Variants in NOS1 observed in about 807,000 individuals in gnomAD.
The protein encoded by NOS1 is nitric oxide synthase 1.
NOS1 carries 51 observed loss-of-function variants against 164.5 expected under a neutral mutation model. The ratio of observed to expected loss-of-function variants is 0.31; its 90% confidence interval spans 0.25 to 0.39. The LOEUF (loss-of-function observed/expected upper bound fraction) is 0.39. Ranked by LOEUF, NOS1 falls within the 10% of genes least tolerant of loss-of-function variation. NOS1 has a pLI of 1.00. For synonymous variants in NOS1, 719 were observed against 745.8 expected, an observed-to-expected ratio of 0.96 and a Z score of 0.59; for missense variants, 1,362 against 1,885.6, an observed-to-expected ratio of 0.72 and a Z score of 5.14.
rs1273933838 is a variant in NOS1, at chr12:117,330,205, G to A, written c.725+140C>T. 7 of 1,328,844 alleles carry A rather than the reference G, an allele frequency of 5.3e-6. No homozygotes were observed. In the Admixed American group the frequency reaches 2.1e-4, roughly 40 times the overall value. 82.3% of individuals were successfully genotyped at this position (1,328,844 alleles called of 1,614,324 possible). The stretch of plus-strand genomic sequence containing the variant: ...AAGTGAAGATCAAGGGGGCCGTCAA[G>A]TGGTTATGCAAAAACAGGTATCTGA... On this transcript the variant is annotated intron_variant, in intron 2 of 28. Transcript: ENST00000317775. The surrounding 1 kb of genome is among the most constrained non-coding windows in gnomAD (Gnocchi z 4.6).
In NOS1 at chr12:117,247,719, T is replaced by C. The variant is rs141428821; in HGVS notation, c.2649-197A>G. ...TTATAAGGGTAAAGCCCTGATCTGA[T>C]AGGATTAGTGTCCTTATAAGAAGAG... On this transcript the variant is annotated intron_variant, in intron 17 of 28. Transcript: ENST00000317775. Among the ~76,000 whole-genome samples the C allele has an allele frequency of 1.0e-3, 155 of 152,148 alleles. 5 individuals carry two copies. The South Asian group carries it at 0.012, about 12-fold the overall frequency.
At chr12:117,286,387 G>C in intron 5 of NOS1, 121 bp from the exon 6 acceptor site, 1 of 1,015,426 alleles carries the variant, frequency 9.8e-7, no homozygotes, top group Non-Finnish European at 1.4e-6. Flanking sequence ...ATTTCTGGAT[G>C]CAACAGTTTG....
At chr12:117,260,035 C>A (rs1239330335) in intron 14 of NOS1, among the ~76,000 whole-genome samples, 1 of 150,262 alleles carries the variant, frequency 6.7e-6, no homozygotes, top group Non-Finnish European at 1.5e-5. Flanking sequence ...AGAAGAATGG[C>A]GTGAACCCGG....
intron 18 of NOS1, among the ~76,000 whole-genome samples, chr12:117,244,855 C>T (rs1253819241): frequency 6.6e-6 from 1 of 152,136 alleles, no homozygotes; most frequent in Non-Finnish European, 1.5e-5. Flanking sequence ...ACAGGGAAAT[C>T]TACAGAGACA....
chr12:117,322,843 T>A (rs1188570090), intron 2 of NOS1, among the ~76,000 whole-genome samples: 1 of 140,944 alleles, frequency 7.1e-6, no homozygotes, highest in Non-Finnish European at 1.5e-5. Context: ...CCTTCCTTGC[T>A]TCCCTCCTTA....
intron 3 of NOS1, chr12:117,309,215 G>A (rs1182949477): frequency 5.7e-6 from 2 of 349,276 alleles, no homozygotes; most frequent in Non-Finnish European, 8.0e-6. Flanking sequence ...TGACTTTTGA[G>A]GACAACATAA....
intron 1 of NOS1, among the ~76,000 whole-genome samples, chr12:117,350,782 T>C (rs1484977689): frequency 6.6e-6 from 1 of 152,148 alleles, no homozygotes; most frequent in African/African-American, 2.4e-5. Flanking sequence ...TCTCCAAACT[T>C]ATCTGGGCTC....
At chr12:117,264,452 TTTTC>T (rs561213008) in intron 12 of NOS1, among the ~76,000 whole-genome samples, 4,975 of 106,428 alleles carry the variant, frequency 0.047, 255 homozygotes, top group African/African-American at 0.23. Flanking sequence ...TTCTTATTTA[TTTTC>T]TTTCTTTATT....
intron 1 of NOS1, among the ~76,000 whole-genome samples, chr12:117,339,136 G>T (rs193121685): frequency 6.6e-6 from 1 of 152,202 alleles, no homozygotes; most frequent in Admixed American, 6.5e-5. Context: ...CTCCCATGCC[G>T]GTAAGTCATG....
In NOS1 at chr12:117,243,224, C is replaced by A. The variant is rs930042715; in HGVS notation, c.2962+73G>T. The A allele has an allele frequency of 5.7e-6, 9 of 1,580,750 alleles. No homozygotes were observed. The African/African-American group carries it at 1.1e-4, about 19-fold the overall frequency. On this transcript the variant is annotated intron_variant, in intron 19 of 28. Coordinates refer to ENST00000317775, the MANE Select transcript of NOS1 (RefSeq NM_000620.5). The surrounding 1 kb of genome is among the most constrained non-coding windows in gnomAD (Gnocchi z 4.3). ...CAATGAAGCCCATCTTCTCTAAGCA[C>A]CTTCTGGAGGTGAGATCACCTGCCT...
chr12:117,225,655 T>C (rs571049573), intron 24 of NOS1, among the ~76,000 whole-genome samples: 16 of 151,918 alleles, frequency 1.1e-4, no homozygotes, highest in Non-Finnish European at 2.2e-4. Context: ...TGAGACGAAG[T>C]CTCACTCTGT....
chr12:117,323,934 A>G (rs1593022759), intron 2 of NOS1, among the ~76,000 whole-genome samples: 1 of 149,836 alleles, frequency 6.7e-6, no homozygotes, highest in East Asian at 1.9e-4. Context: ...GGCACGCACC[A>G]CCACGTCTGG....
chr12:117,347,201 T>A (rs1199950443), intron 1 of NOS1, among the ~76,000 whole-genome samples: 1 of 151,668 alleles, frequency 6.6e-6, no homozygotes, highest in East Asian at 1.9e-4. Flanking sequence ...GCAGAAGAAT[T>A]GCTTGAACCT....
At chr12:117,297,358 G>A (rs1366143111) in intron 3 of NOS1, among the ~76,000 whole-genome samples, 2 of 152,190 alleles carry the variant, frequency 1.3e-5, no homozygotes, top group African/African-American at 4.8e-5. Flanking sequence ...TCGGGGCAAA[G>A]GATAAAGTAA....
At chr12:117,261,347 A>G (rs975416790) in intron 13 of NOS1, among the ~76,000 whole-genome samples, 1 of 152,042 alleles carries the variant, frequency 6.6e-6, no homozygotes, top group African/African-American at 2.4e-5. Context: ...TCTCTCTTTC[A>G]TTCATCAAAT....
chr12:117,352,958 C>T (rs1433988171), intron 1 of NOS1, among the ~76,000 whole-genome samples: 1 of 152,166 alleles, frequency 6.6e-6, no homozygotes, highest in Non-Finnish European at 1.5e-5. Context: ...CTTAATTCAA[C>T]AGCTATTAGC....
rs754631971 is a variant in NOS1 at position 117,227,615 on chromosome 12, T to C, written c.3432A>G (p.Lys1144=). Residue 1144 remains lysine, a synonymous_variant, in exon 23 of 29, where the codon AAA becomes AAG. Transcript: ENST00000317775. ...SKGLQEYEEW[K]WGKNPTIVEV... is the part of the protein sequence containing the mutation. ...CCACGATGGTGGGGTTCTTGCCCCA[T>C]TTCCATTCCTCGTACTCCTGCAAAC... The C allele has an allele frequency of 1.4e-5, 22 of 1,613,922 alleles. No homozygotes were observed. The highest frequency in any genetic ancestry group is 1.9e-5 in the Non-Finnish European group (22 of 1,179,948).
At chr12:117,335,573 C>T (rs561789394) in intron 1 of NOS1, among the ~76,000 whole-genome samples, 71 of 152,180 alleles carry the variant, frequency 4.7e-4, no homozygotes, top group Non-Finnish European at 8.4e-4. Flanking sequence ...CCTCTCTGTG[C>T]GACCTTGGCC....
chr12:117,288,538 T>C (rs1309607968), intron 4 of NOS1, among the ~76,000 whole-genome samples: 1 of 152,218 alleles, frequency 6.6e-6, no homozygotes, highest in African/African-American at 2.4e-5. Flanking sequence ...GAGGAACTAA[T>C]AGAGTGGCTA....
Sources: allele counts gnomAD v4.1 joint callset (sites outside exome capture counted in the v4.1 genomes callset), GRCh38; gene constraint gnomAD v4.1.1; non-coding constraint Gnocchi (gnomAD v3.1); transcripts MANE v1.5; gene names NCBI Gene and HGNC (gene_info 2026-07-23, HGNC 2026-07-21).